Variants in RAB3C observed in about 807,000 individuals in gnomAD.
RAB3C encodes the protein ras-related protein Rab-3C.
RAB3C carries 17 observed loss-of-function variants against 26.4 expected under a neutral mutation model. That is an observed-to-expected ratio of 0.64 (90% confidence interval 0.44 to 0.97). The LOEUF (loss-of-function observed/expected upper bound fraction) is 0.97. Ranked by LOEUF, RAB3C falls within the 50% of genes least tolerant of loss-of-function variation. The pLI is 0.00. For missense variants in RAB3C, 242 were observed against 281.9 expected, an observed-to-expected ratio of 0.86 and a Z score of 1.01; for synonymous variants, 91 against 95.9, an observed-to-expected ratio of 0.95 and a Z score of 0.30.
In RAB3C at chr5:58,687,663, A is replaced by G. The variant is rs72760287; in HGVS notation, c.253-38339A>G. Among the ~76,000 whole-genome samples, 593 of 152,208 alleles carry G rather than the reference A, an allele frequency of 3.9e-3. 4 individuals carry two copies. The highest frequency in any genetic ancestry group is 0.017 in the Middle Eastern group (5 of 294). The stretch of plus-strand genomic sequence containing the variant: ...TACAAGGCAAAAAATAAGAAGACCC[A>G]ATCCACCTAGAGAGGAGGTAGCTTA... On this transcript the variant is annotated intron_variant, in intron 2 of 4. Coordinates refer to ENST00000282878, the MANE Select transcript of RAB3C (RefSeq NM_138453.4).
chr5:58,726,916 A>G (rs536060514), intron 3 of RAB3C, among the ~76,000 whole-genome samples: 1 of 151,984 alleles, frequency 6.6e-6, no homozygotes, highest in Non-Finnish European at 1.5e-5. Flanking sequence ...GCACAGGGCT[A>G]AAGAGGACGG....
intron 2 of RAB3C, chr5:58,689,163 A>G (rs1186525974): frequency 1.3e-5 from 2 of 152,174 alleles, no homozygotes; most frequent in African/African-American, 4.8e-5. Flanking sequence ...AGACGAGACC[A>G]GAATTCGAGT....
intron 2 of RAB3C, among the ~76,000 whole-genome samples, chr5:58,638,541 TA>T (rs1747337167): frequency 6.6e-6 from 1 of 152,202 alleles, no homozygotes; most frequent in African/African-American, 2.4e-5. Context: ...TAACATTTTC[TA>T]AAGTCCGTGT....
intron 4 of RAB3C, among the ~76,000 whole-genome samples, chr5:58,831,802 G>A (rs760678453): frequency 3.3e-5 from 5 of 152,060 alleles, no homozygotes; most frequent in African/African-American, 1.2e-4. Flanking sequence ...AACCCAAGGC[G>A]GGGACAAGGA....
intron 1 of RAB3C, among the ~76,000 whole-genome samples, chr5:58,597,135 A>ATATTAT (rs1746322743): frequency 4.9e-5 from 1 of 20,496 alleles, no homozygotes; most frequent in Non-Finnish European, 7.5e-5. Context: ...TATATAATAT[A>ATATTAT]ATAATATATA....
chr5:58,668,348 A>G (rs293031), intron 2 of RAB3C, among the ~76,000 whole-genome samples: 52,788 of 152,010 alleles, frequency 0.35, 9,522 homozygotes, highest in East Asian at 0.42. Flanking sequence ...CAGCTTAAAT[A>G]TGAGGGTGGG....
At chr5:58,631,025 G>A (rs1747176033) in intron 2 of RAB3C, among the ~76,000 whole-genome samples, 1 of 152,214 alleles carries the variant, frequency 6.6e-6, no homozygotes, top group Admixed American at 6.5e-5. Context: ...TCTTGCAAAT[G>A]AAGACTAAAC....
At chr5:58,696,284 T>G (rs138559496) in intron 2 of RAB3C, among the ~76,000 whole-genome samples, 3,021 of 152,294 alleles carry the variant, frequency 0.02, 36 homozygotes, top group Non-Finnish European at 0.032. Flanking sequence ...AACTTGATCG[T>G]GGTGGATAAG....
intron 3 of RAB3C, among the ~76,000 whole-genome samples, chr5:58,824,772 G>T (rs1010873258): frequency 1.3e-5 from 2 of 152,138 alleles, no homozygotes; most frequent in Admixed American, 6.5e-5. Context: ...AGGAAAGGAA[G>T]AATCAGTAGT....
intron 3 of RAB3C, among the ~76,000 whole-genome samples, chr5:58,764,048 A>G (rs1002741614): frequency 6.6e-6 from 1 of 152,236 alleles, no homozygotes; most frequent in African/African-American, 2.4e-5. Flanking sequence ...AATAGAAGAA[A>G]AACATTCAGG....
intron 3 of RAB3C, among the ~76,000 whole-genome samples, chr5:58,759,445 C>G (rs1741747360): frequency 6.6e-6 from 1 of 152,190 alleles, no homozygotes; most frequent in South Asian, 2.1e-4. Context: ...TCCCCAGTGT[C>G]TGGCACATAA....
intron 3 of RAB3C, among the ~76,000 whole-genome samples, chr5:58,743,753 T>TA (rs1741332173): frequency 6.6e-6 from 1 of 152,202 alleles, no homozygotes; most frequent in African/African-American, 2.4e-5. Flanking sequence ...TCAGGATTTT[T>TA]AAAAAATCTC....
chr5:58,605,982 G>A (rs577339136), intron 1 of RAB3C, among the ~76,000 whole-genome samples: 7 of 152,296 alleles, frequency 4.6e-5, no homozygotes, highest in South Asian at 4.1e-4. Context: ...CAGCATGTTC[G>A]ACACTGAAGA....
upstream of RAB3C, among the ~76,000 whole-genome samples, chr5:58,582,849 G>GA (rs1421370477): frequency 6.6e-6 from 1 of 152,382 alleles, no homozygotes; most frequent in Non-Finnish European, 1.5e-5. Flanking sequence ...AAGAGCAGGG[G>GA]AGACTGGGAG....
chr5:58,737,801 A>AT (rs1372388813), intron 3 of RAB3C, among the ~76,000 whole-genome samples: 1 of 152,122 alleles, frequency 6.6e-6, no homozygotes, highest in Non-Finnish European at 1.5e-5. Flanking sequence ...TTCAAATCAC[A>AT]TATGGAGGCA....
chr5:58,808,241 A>T (rs1318256571), intron 3 of RAB3C, among the ~76,000 whole-genome samples: 1 of 151,818 alleles, frequency 6.6e-6, no homozygotes, highest in Non-Finnish European at 1.5e-5. Flanking sequence ...AAAAAAAAAA[A>T]AGAAATAACT....
intron 3 of RAB3C, among the ~76,000 whole-genome samples, chr5:58,779,970 T>A (rs1742236869): frequency 6.6e-6 from 1 of 151,992 alleles, no homozygotes; most frequent in Admixed American, 6.6e-5. Context: ...GGAAGGGAGA[T>A]GCTGTGGAAA....
chr5:58,730,060 G>C (rs1740979695), intron 3 of RAB3C, among the ~76,000 whole-genome samples: 1 of 151,278 alleles, frequency 6.6e-6, no homozygotes. Context: ...ATTAACGGTT[G>C]TATTCTTCCT....
intron 3 of RAB3C, among the ~76,000 whole-genome samples, chr5:58,806,754 C>G (rs995366349): frequency 6.6e-6 from 1 of 152,124 alleles, no homozygotes; most frequent in Non-Finnish European, 1.5e-5. Flanking sequence ...AAATCACCCC[C>G]ACTCAAGAAC....
Sources: allele counts gnomAD v4.1 joint callset (sites outside exome capture counted in the v4.1 genomes callset), GRCh38; gene constraint gnomAD v4.1.1; transcripts MANE v1.5; gene names NCBI Gene and HGNC (gene_info 2026-07-23, HGNC 2026-07-21).